MRC1: variants seen among roughly 807,000 people sequenced by gnomAD.
MRC1 encodes the protein macrophage mannose receptor 1.
A neutral mutation model predicts 102.9 loss-of-function variants in MRC1; 62 were observed. The observed-to-expected ratio is 0.60, with a 90% confidence interval of 0.49 to 0.74. The LOEUF (loss-of-function observed/expected upper bound fraction) is 0.74. Ranked by LOEUF, MRC1 falls within the 30% of genes least tolerant of loss-of-function variation. The pLI is 0.00. For synonymous variants in MRC1, 457 were observed against 298.4 expected (o/e 1.53, Z -5.48); for missense variants, 1,237 against 862.8 (o/e 1.43, Z -5.43).
At chr10:17,891,694 C>T (rs895159551) in intron 22 of MRC1, among the ~76,000 whole-genome samples, 42 of 152,238 alleles carry the variant, frequency 2.8e-4, no homozygotes, top group African/African-American at 9.4e-4. Context: ...TACTTAGCTA[C>T]GAATTAGGCT....
At chr10:17,844,008 C>T (rs1838788529) in intron 5 of MRC1, among the ~76,000 whole-genome samples, 1 of 152,080 alleles carries the variant, frequency 6.6e-6, no homozygotes, top group African/African-American at 2.4e-5. Flanking sequence ...AGTAGCAAAA[C>T]GCATGTGAAA....
chr10:17,898,866 C>T (rs1833790874), intron 24 of MRC1, among the ~76,000 whole-genome samples: 2 of 152,202 alleles, frequency 1.3e-5, no homozygotes, highest in African/African-American at 2.4e-5. Context: ...AGTCATGCAT[C>T]TGTCCTCCCT....
At chr10:17,895,168 T>C (rs1206550741) in intron 23 of MRC1, among the ~76,000 whole-genome samples, 2 of 152,080 alleles carry the variant, frequency 1.3e-5, no homozygotes, top group East Asian at 1.9e-4. Flanking sequence ...TGAGCCATGA[T>C]TGTGCTCCTC....
At chr10:17,881,018 G>A in intron 20 of MRC1, 49 bp from the exon 21 acceptor site, 1 of 779,078 alleles carries the variant, frequency 1.3e-6, no homozygotes, top group South Asian at 1.3e-5. Flanking sequence ...ATCATCTTTA[G>A]TTAACCCCTG....
intron 26 of MRC1, among the ~76,000 whole-genome samples, chr10:17,903,637 C>A (rs1442002355): frequency 6.6e-6 from 1 of 152,000 alleles, no homozygotes; most frequent in Non-Finnish European, 1.5e-5. Flanking sequence ...CTCAGGTTAT[C>A]CACCTGCCTC....
intron 6 of MRC1, among the ~76,000 whole-genome samples, chr10:17,847,031 G>C (rs1205411265): frequency 6.6e-6 from 1 of 152,150 alleles, no homozygotes; most frequent in Non-Finnish European, 1.5e-5. Flanking sequence ...ATATAGATGC[G>C]GGACCTGGAT....
chr10:17,888,261 G>A (rs1188235134), intron 22 of MRC1, among the ~76,000 whole-genome samples: 4 of 152,160 alleles, frequency 2.6e-5, no homozygotes, highest in Non-Finnish European at 5.9e-5. Flanking sequence ...CCAGGATAAT[G>A]GGGGGTAAAA....
chr10:17,855,497 G>C (rs1833073805), intron 8 of MRC1, among the ~76,000 whole-genome samples: 2 of 150,824 alleles, frequency 1.3e-5, no homozygotes, highest in African/African-American at 4.9e-5. Flanking sequence ...TGTGAACCTG[G>C]GAGGTGGAGC....
intron 8 of MRC1, among the ~76,000 whole-genome samples, chr10:17,853,518 GTTA>G (rs1433667372): frequency 7.3e-5 from 11 of 151,286 alleles, no homozygotes; most frequent in Non-Finnish European, 8.8e-5. Flanking sequence ...TATATAAAAA[GTTA>G]TTATAAGCCA....
chr10:17,842,423 A>C (rs1437683845), intron 5 of MRC1, among the ~76,000 whole-genome samples: 1 of 152,250 alleles, frequency 6.6e-6, no homozygotes, highest in African/African-American at 2.4e-5. Flanking sequence ...TCAAAGCGTT[A>C]CTTCAACATA....
chr10:17,855,571 CAAAAAAA>C (rs35692453), intron 8 of MRC1, among the ~76,000 whole-genome samples: 5 of 42,096 alleles, frequency 1.2e-4, no homozygotes, highest in South Asian at 1.5e-3. Flanking sequence ...GACTCCGTCT[CAAAAAAA>C]AAAAAAAAAA....
intron 22 of MRC1, among the ~76,000 whole-genome samples, chr10:17,891,100 G>A (rs1833666160): frequency 6.6e-6 from 1 of 151,388 alleles, no homozygotes; most frequent in South Asian, 2.1e-4. Flanking sequence ...GGCTCCCACT[G>A]ATTCTGCGTG....
At chr10:17,823,593 A>T in intron 2 of MRC1, 118 bp downstream of exon 2, 3 of 737,572 alleles carry the variant, frequency 4.1e-6, no homozygotes, top group Non-Finnish European at 7.5e-6. Context: ...TCAATTGATC[A>T]GCATCTTTGT....
In MRC1 at chr10:17,881,198, G is replaced by T. The variant is rs1201232419; in HGVS notation, c.2980+17G>T. On this transcript the variant is annotated intron_variant, in intron 21 of 29. Transcript: ENST00000569591. ...AAGAGCAAGGTAGGCAGGCCATTTT[G>T]CAATTAGTTGTGTGTTTAAATATGG... 1.3e-6 allele frequency: 1 copy of T among 778,810 alleles called. No individual in the cohort carries two copies. The highest frequency in any genetic ancestry group is 1.7e-5 in the Admixed American group (1 of 58,738). 48.2% of individuals were successfully genotyped at this position (778,810 alleles called of 1,614,324 possible).
intron 8 of MRC1, among the ~76,000 whole-genome samples, chr10:17,853,600 GTATATATA>G (rs1215208967): frequency 0.011 from 1,372 of 127,666 alleles, 12 homozygotes; most frequent in East Asian, 0.018. Context: ...GTGTGTGTGT[GTATATATA>G]TATATATGTA....
intron 20 of MRC1, 78 bp from the exon 21 acceptor site, chr10:17,880,988 CT>C (rs1833505893): frequency 1.3e-6 from 1 of 770,986 alleles, no homozygotes; most frequent in East Asian, 2.4e-5. Context: ...AATAATTTTG[CT>C]TTTTGTAGAG....
intron 23 of MRC1, among the ~76,000 whole-genome samples, chr10:17,897,016 A>G (rs1455346705): frequency 2.0e-5 from 3 of 152,210 alleles, no homozygotes; most frequent in Non-Finnish European, 4.4e-5. Context: ...GTCACAGATG[A>G]TCATAGGCAA....
chr10:17,879,612 C>G (rs1833484971), intron 18 of MRC1, 109 bp from the exon 19 acceptor site: 1 of 779,250 alleles, frequency 1.3e-6, no homozygotes, highest in Admixed American at 1.7e-5. Flanking sequence ...ATCCACTCGC[C>G]TCGGCCTCCC....
At chr10:17,876,589 T>G (rs1238873927) in intron 17 of MRC1, among the ~76,000 whole-genome samples, 4 of 152,296 alleles carry the variant, frequency 2.6e-5, no homozygotes, top group African/African-American at 9.6e-5. Context: ...AGATCAGTAC[T>G]TGATGGCTTT....
Sources: allele counts gnomAD v4.1 joint callset (sites outside exome capture counted in the v4.1 genomes callset), GRCh38; gene constraint gnomAD v4.1.1; transcripts MANE v1.5; gene names NCBI Gene and HGNC (gene_info 2026-07-23, HGNC 2026-07-21).